Variants in ADAM7 observed in about 807,000 individuals in gnomAD.
The protein encoded by ADAM7 is ADAM metallopeptidase domain 7.
A neutral mutation model predicts 102.9 loss-of-function variants in ADAM7; 97 were observed. That is an observed-to-expected ratio of 0.94 (90% confidence interval 0.80 to 1.12). The LOEUF (loss-of-function observed/expected upper bound fraction) is 1.12, where lower values mean the gene tolerates loss of function less well. Ranked by LOEUF, ADAM7 falls within the 50% of genes most tolerant of loss-of-function variation. ADAM7 has a pLI of 0.00. For missense variants in ADAM7, 991 were observed against 908.7 expected, an observed-to-expected ratio of 1.09 and a Z score of -1.16; for synonymous variants, 334 against 304.4, an observed-to-expected ratio of 1.10 and a Z score of -1.01.
Position 24,481,622 on chromosome 8 carries a change from T to A in ADAM7, c.706-520T>A, listed in dbSNP as rs549794865. Among the ~76,000 whole-genome samples the A allele has an allele frequency of 2.6e-5, 4 of 152,308 alleles. No individual in the cohort carries two copies. The East Asian group carries it at 7.7e-4, about 29-fold the overall frequency. On this transcript the variant is annotated intron_variant, in intron 8 of 21. Coordinates refer to ENST00000175238, the MANE Select transcript of ADAM7 (RefSeq NM_003817.4). ...TAGGCTACAACTATTTCTGCCTGCT[T>A]AGAGCAACCCCTAATGACATTTCTC... is the stretch of plus-strand genomic sequence containing the variant.
chr8:24,500,653 A>G (rs1404629680), intron 18 of ADAM7, 137 bp from the exon 19 acceptor site: 4 of 673,864 alleles, frequency 5.9e-6, no homozygotes, highest in Non-Finnish European at 9.8e-6. Context: ...ACTTTACATA[A>G]AAATAATTGA....
At position 24,496,393 on chromosome 8, in the gene ADAM7, T is replaced by G. The variant is rs532347261; in HGVS notation, c.1843-2843T>G. ...CGGATCCCCCACACAGAGTCCTTGC[T>G]GAGGCATTGCCTAGTGGAGCTGTAA... On this transcript the variant is annotated intron_variant, in intron 16 of 21. Coordinates refer to ENST00000175238, the MANE Select transcript of ADAM7 (RefSeq NM_003817.4). Among the ~76,000 whole-genome samples the G allele has an allele frequency of 1.1e-4, 17 of 152,362 alleles. No individual in the cohort carries two copies. The South Asian group carries it at 3.5e-3, about 32-fold the overall frequency.
Position 24,445,479 on chromosome 8 carries a change from T to G in ADAM7, c.157-1707T>G, listed in dbSNP as rs145132332. Reference sequence around the variant, plus strand: ...AAACAAATCAGAAATCTGGGCTTAGTCTTGACTACTCTCTCTTACTCCATC... The same window carrying G: ...AAACAAATCAGAAATCTGGGCTTAGGCTTGACTACTCTCTCTTACTCCATC... On this transcript the variant is annotated intron_variant, in intron 2 of 21. Coordinates refer to ENST00000175238, the MANE Select transcript of ADAM7 (RefSeq NM_003817.4). 5.6e-4 allele frequency among the ~76,000 whole-genome samples: 85 copies of G among 152,312 alleles called. 1 individual carries two copies. In the East Asian group the frequency reaches 0.014, roughly 26 times the overall value.
At chr8:24,492,144 A>AG in intron 14 of ADAM7, 46 bp downstream of exon 14, 2 of 1,557,638 alleles carry the variant, frequency 1.3e-6, no homozygotes, top group Non-Finnish European at 1.7e-6. Context: ...GGTGGCCTCT[A>AG]TTTCTCTGTT....
At chr8:24,476,604 G>C in intron 8 of ADAM7, 100 bp downstream of exon 8, 1 of 841,258 alleles carries the variant, frequency 1.2e-6, no homozygotes, top group Non-Finnish European at 1.8e-6. Flanking sequence ...CTGATATTAA[G>C]GGAGTACAAA....
At chr8:24,490,687 A>G (rs1820312948) in intron 12 of ADAM7, 112 bp from the exon 13 acceptor site, 1 of 1,006,320 alleles carries the variant, frequency 9.9e-7, no homozygotes, top group Non-Finnish European at 1.5e-6. Flanking sequence ...GCCAACAATC[A>G]TGCATCACTA....
chr8:24,470,473 T>TA lies in ADAM7; in HGVS notation c.633+1664dup, dbSNP rs375322203. ...AGAGGGAAATAGGTGGATTTGAAAA[T>TA]AAAAAAAAAAAGACCAATCCAACAG... On this transcript the variant is annotated intron_variant, in intron 7 of 21. Transcript: ENST00000175238. Among the ~76,000 whole-genome samples the TA allele has an allele frequency of 2.0e-4, 28 of 138,960 alleles. 1 individual carries two copies. In the South Asian group the frequency reaches 2.1e-3, roughly 10 times the overall value. 91.2% of individuals were successfully genotyped at this position (138,960 alleles called of 152,430 possible). A position where few individuals can be genotyped will look rare whatever the true frequency, so the allele number is the denominator to read the frequency against.
intron 20 of ADAM7, among the ~76,000 whole-genome samples, chr8:24,502,125 A>T (rs1820783223): frequency 6.6e-6 from 1 of 152,198 alleles, no homozygotes; most frequent in Non-Finnish European, 1.5e-5. Flanking sequence ...AGATATCACT[A>T]ATTAGAAAAA....
chr8:24,492,367 T>C (rs971929281), intron 14 of ADAM7, 128 bp from the exon 15 acceptor site: 1 of 772,846 alleles, frequency 1.3e-6, no homozygotes, highest in African/African-American at 1.8e-5. Flanking sequence ...AGTTTTTAAA[T>C]AATTTATTCC....
chr8:24,449,697 T>A (rs1307785382), intron 3 of ADAM7, among the ~76,000 whole-genome samples: 1 of 152,178 alleles, frequency 6.6e-6, no homozygotes, highest in Non-Finnish European at 1.5e-5. Context: ...CCATTGCTTT[T>A]GGTGTTTTAG....
chr8:24,476,529 T>C, intron 8 of ADAM7, 25 bp downstream of exon 8: 1 of 1,566,210 alleles, frequency 6.4e-7, no homozygotes, highest in Admixed American at 1.7e-5. Context: ...AGTTTTTGAA[T>C]CAAGCCAATA....
chr8:24,443,285 T>C (rs1368367913), intron 2 of ADAM7, among the ~76,000 whole-genome samples: 1 of 152,160 alleles, frequency 6.6e-6, no homozygotes, highest in Non-Finnish European at 1.5e-5. Flanking sequence ...AATGAATTTC[T>C]TCTGTCCACC....
intron 16 of ADAM7, 91 bp downstream of exon 16, chr8:24,493,320 A>T: frequency 8.2e-7 from 1 of 1,215,974 alleles, no homozygotes; most frequent in Non-Finnish European, 1.1e-6. Flanking sequence ...AAAGAGGTCT[A>T]GATATGGAAA....
At chr8:24,472,185 A>C (rs992948225) in intron 7 of ADAM7, among the ~76,000 whole-genome samples, 1 of 151,728 alleles carries the variant, frequency 6.6e-6, no homozygotes, top group Non-Finnish European at 1.5e-5. Flanking sequence ...TCTCCATCAG[A>C]AAATGTAAGG....
intron 2 of ADAM7, among the ~76,000 whole-genome samples, chr8:24,445,963 G>T (rs953570326): frequency 6.6e-6 from 1 of 152,092 alleles, no homozygotes; most frequent in Non-Finnish European, 1.5e-5. Context: ...CTATTATGAT[G>T]CTCATTACAC....
At chr8:24,485,660 A>G (rs1259544786) in intron 10 of ADAM7, among the ~76,000 whole-genome samples, 1 of 152,212 alleles carries the variant, frequency 6.6e-6, no homozygotes, top group African/African-American at 2.4e-5. Flanking sequence ...TTATAAGGAC[A>G]AATAATGCAC....
In ADAM7 at chr8:24,507,487, C is replaced by A. The variant is rs1820992033; in HGVS notation, c.2216C>A (p.Ala739Glu). Residue 739 changes from alanine to glutamate, a missense_variant, in exon 21 of 22, where the codon GCA (alanine) becomes GAA (glutamate). Ala to Glu is a moderately radical substitution (Grantham distance 107). Transcript: ENST00000175238. ...LPEIHFLNKPASKDSRGIADP... is the reference protein window; with the variant it reads ...LPEIHFLNKPESKDSRGIADP... ...ATAATTTATTTATTATAGAAACCTG[C>A]AAGTAAAGATTCAAGAGGAATCGCA... The A allele has an allele frequency of 1.9e-6, 3 of 1,611,830 alleles. No homozygotes were observed. The highest frequency in any genetic ancestry group is 2.7e-5 in the African/African-American group (2 of 74,816).
rs765879738 is a variant in ADAM7, at chr8:24,504,803, G to A, written c.2209-2677G>A. Among the ~76,000 whole-genome samples, 50 of 152,022 alleles carry A rather than the reference G, an allele frequency of 3.3e-4. 1 individual carries two copies. The highest frequency in any genetic ancestry group is 5.9e-5 in the Non-Finnish European group (4 of 68,012). On this transcript the variant is annotated intron_variant, in intron 20 of 21. Coordinates refer to ENST00000175238, the MANE Select transcript of ADAM7 (RefSeq NM_003817.4). ...ACATATATGACATTTTAGTGGAAAT[G>A]CCTCTGATGAATTTCACTGGCATAT...
intron 3 of ADAM7, among the ~76,000 whole-genome samples, chr8:24,463,321 T>C (rs1046714084): frequency 3.3e-5 from 5 of 152,146 alleles, no homozygotes; most frequent in African/African-American, 1.2e-4. Flanking sequence ...GTTAAAGCAC[T>C]GTAAGGCAGG....
Sources: gnomAD v4.1 joint callset for allele counts (sites outside exome capture counted in the v4.1 genomes callset) on GRCh38, gnomAD v4.1.1 for gene constraint, MANE v1.5 for transcripts, NCBI Gene and HGNC (gene_info 2026-07-23, HGNC 2026-07-21) for gene names.